CTNNA3: variants seen among roughly 807,000 people sequenced by gnomAD.
CTNNA3 encodes catenin alpha 3.
Under a neutral mutation model 95.7 loss-of-function variants are expected in CTNNA3, and 76 were observed. The ratio of observed to expected loss-of-function variants is 0.79; its 90% CI spans 0.66 to 0.96. The LOEUF (loss-of-function observed/expected upper bound fraction) is 0.96. Among genes scored for constraint, CTNNA3 ranks in the 40% least tolerant of loss-of-function variants. The pLI, the probability that CTNNA3 is intolerant of heterozygous loss-of-function variation, is 0.00. For synonymous variants in CTNNA3, 431 were observed against 374.4 expected (o/e 1.15, Z -1.74); for missense variants, 1,191 against 1,089.8 (o/e 1.09, Z -1.31).
intron 5 of CTNNA3, among the ~76,000 whole-genome samples, chr10:67,225,170 C>T (rs1175851603): frequency 1.3e-5 from 2 of 152,096 alleles, no homozygotes; most frequent in Non-Finnish European, 2.9e-5. Context: ...GTGCACAACT[C>T]CATTGACCTG....
intron 7 of CTNNA3, among the ~76,000 whole-genome samples, chr10:67,177,227 T>G (rs1342958972): frequency 6.6e-6 from 1 of 152,190 alleles, no homozygotes; most frequent in Non-Finnish European, 1.5e-5. Context: ...ACATTGAACT[T>G]ATTGAACGTT....
At chr10:66,439,596 TTTACATAGCATGTATG>T (rs978745463) in intron 11 of CTNNA3, among the ~76,000 whole-genome samples, 3 of 152,146 alleles carry the variant, frequency 2.0e-5, no homozygotes, top group Non-Finnish European at 4.4e-5. Flanking sequence ...AATATAACTT[TTTACATAGCATGTATG>T]TTACACATTA....
chr10:66,122,934 T>C (rs2082646171), intron 13 of CTNNA3, among the ~76,000 whole-genome samples: 1 of 152,138 alleles, frequency 6.6e-6, no homozygotes, highest in African/African-American at 2.4e-5. Context: ...CCATGACATG[T>C]GGGAATTGAG....
intron 11 of CTNNA3, among the ~76,000 whole-genome samples, chr10:66,484,176 C>T: frequency 6.6e-6 from 1 of 150,854 alleles, no homozygotes; most frequent in Non-Finnish European, 1.5e-5. Flanking sequence ...AATCTGTGTC[C>T]AAAATTTTGT....
At chr10:67,105,258 T>TAGATAGATAGATAGAC (rs1328114679) in intron 7 of CTNNA3, among the ~76,000 whole-genome samples, 73 of 152,160 alleles carry the variant, frequency 4.8e-4, no homozygotes, top group African/African-American at 1.7e-3. Flanking sequence ...GATAGATAGA[T>TAGATAGATAGATAGAC]AGAATTAATT....
At chr10:66,218,924 C>T (rs976456045) in intron 13 of CTNNA3, among the ~76,000 whole-genome samples, 1 of 152,156 alleles carries the variant, frequency 6.6e-6, no homozygotes, top group Non-Finnish European at 1.5e-5. Flanking sequence ...CAAATTTTTC[C>T]TGACTGAATT....
intron 10 of CTNNA3, among the ~76,000 whole-genome samples, chr10:66,585,791 A>G (rs796483080): frequency 2.0e-5 from 3 of 152,052 alleles, no homozygotes; most frequent in African/African-American, 7.2e-5. Context: ...ACTGCTGGAG[A>G]GTCAGTGTGA....
chr10:66,941,077 A>G (rs917696251), intron 7 of CTNNA3, among the ~76,000 whole-genome samples: 1 of 152,248 alleles, frequency 6.6e-6, no homozygotes, highest in Non-Finnish European at 1.5e-5. Context: ...CAGTTTAAGA[A>G]ATAAAAGTCC....
At chr10:67,069,408 G>A (rs933463184) in intron 7 of CTNNA3, among the ~76,000 whole-genome samples, 1 of 151,700 alleles carries the variant, frequency 6.6e-6, no homozygotes, top group Non-Finnish European at 1.5e-5. Context: ...CTCAAAAAAC[G>A]CTCATTGTAA....
At chr10:66,437,408 C>T (rs2093345712) in intron 11 of CTNNA3, among the ~76,000 whole-genome samples, 1 of 152,016 alleles carries the variant, frequency 6.6e-6, no homozygotes, top group South Asian at 2.1e-4. Context: ...TTTCTCTAAT[C>T]TTGTCTTTAT....
intron 5 of CTNNA3, among the ~76,000 whole-genome samples, chr10:67,436,044 G>A (rs1173026160): frequency 6.6e-6 from 1 of 151,988 alleles, no homozygotes; most frequent in Non-Finnish European, 1.5e-5. Context: ...GAACAAATCT[G>A]GACACATCAC....
At chr10:66,451,623 TTAGTTTTAAGTATTTCAAG>T (rs2093465536) in intron 11 of CTNNA3, among the ~76,000 whole-genome samples, 1 of 152,152 alleles carries the variant, frequency 6.6e-6, no homozygotes, top group African/African-American at 2.4e-5. Flanking sequence ...TTAAGTATTT[TTAGTTTTAAGTATTTCAAG>T]TAGTTTTAAG....
chr10:67,132,125 T>G (rs1311885536), intron 7 of CTNNA3, among the ~76,000 whole-genome samples: 1 of 152,068 alleles, frequency 6.6e-6, no homozygotes. Context: ...AGACAATAGG[T>G]CTGATAGGCC....
chr10:66,345,358 G>T (rs2132368749), intron 12 of CTNNA3, among the ~76,000 whole-genome samples: 1 of 152,058 alleles, frequency 6.6e-6, no homozygotes, highest in East Asian at 1.9e-4. Context: ...TTAAACAAAG[G>T]TTTCAAACAT....
chr10:67,045,080 T>G (rs780933351), intron 7 of CTNNA3, among the ~76,000 whole-genome samples: 1 of 152,088 alleles, frequency 6.6e-6, no homozygotes, highest in Non-Finnish European at 1.5e-5. Context: ...ATGAAAGAAA[T>G]AAATACATAT....
At chr10:66,225,485 A>G (rs566992390) in intron 13 of CTNNA3, among the ~76,000 whole-genome samples, 1 of 148,468 alleles carries the variant, frequency 6.7e-6, no homozygotes, top group African/African-American at 2.5e-5. Flanking sequence ...TCTGGTGATA[A>G]GCAATTAGGC....
chr10:66,484,087 C>A (rs1589314983), intron 11 of CTNNA3, among the ~76,000 whole-genome samples: 1 of 151,974 alleles, frequency 6.6e-6, no homozygotes, highest in African/African-American at 2.4e-5. Flanking sequence ...CCTTGGAGAC[C>A]AAGTTAAGCA....
At chr10:66,763,629 T>A (rs1839714394) in intron 9 of CTNNA3, among the ~76,000 whole-genome samples, 1 of 152,182 alleles carries the variant, frequency 6.6e-6, no homozygotes, top group Non-Finnish European at 1.5e-5. Flanking sequence ...AGAAATGTAG[T>A]CTCACTGCTC....
chr10:66,292,673 T>C (rs765732361), intron 12 of CTNNA3, among the ~76,000 whole-genome samples: 3 of 152,156 alleles, frequency 2.0e-5, no homozygotes, highest in Non-Finnish European at 4.4e-5. Context: ...CTAAAGCTAA[T>C]ATCAATTCAC....
Sources: allele counts gnomAD v4.1 joint callset (sites outside exome capture counted in the v4.1 genomes callset), GRCh38; gene constraint gnomAD v4.1.1; transcripts MANE v1.5; gene names NCBI Gene and HGNC (gene_info 2026-07-23, HGNC 2026-07-21).